Variants in COL5A2 observed in about 807,000 individuals in gnomAD.
COL5A2 encodes the protein collagen type V alpha 2 chain, also known as collagen alpha-2(V) chain.
A neutral mutation model predicts 208.2 loss-of-function variants in COL5A2; 23 were observed. The ratio of observed to expected loss-of-function variants is 0.11; its 90% confidence interval spans 0.08 to 0.16. The LOEUF is 0.16. COL5A2 is among the 10% of genes least tolerant of loss of function. The pLI, the probability that COL5A2 is intolerant of heterozygous loss-of-function variation, is 1.00. For missense variants in COL5A2, 1,590 were observed against 1,956.4 expected (o/e 0.81, Z 3.53); for synonymous variants, 625 against 628.5 (o/e 0.99, Z 0.08).
rs1688720202 is a variant in COL5A2, at chr2:189,178,484, A to G, written c.97+1024T>C. 2.0e-5 allele frequency among the ~76,000 whole-genome samples: 3 copies of G among 152,076 alleles called. No individual in the cohort carries two copies. The South Asian group carries it at 6.2e-4, about 31-fold the overall frequency. On this transcript the variant is annotated intron_variant, in intron 1 of 53. Transcript: ENST00000374866. Reference sequence around the variant, plus strand: ...TTTAAAAGCTTGAGTTTGATGTTACATGGTTGAGTTGATGAAAATCTACAG... The same window carrying G: ...TTTAAAAGCTTGAGTTTGATGTTACGTGGTTGAGTTGATGAAAATCTACAG...
chr2:189,167,537 C>G (rs1688489838), intron 1 of COL5A2, among the ~76,000 whole-genome samples: 1 of 151,856 alleles, frequency 6.6e-6, no homozygotes, highest in African/African-American at 2.4e-5. Flanking sequence ...TGTGTCTAAG[C>G]AAAATTCAGT....
chr2:189,132,553 A>G (rs1687735976), intron 1 of COL5A2, among the ~76,000 whole-genome samples: 1 of 152,256 alleles, frequency 6.6e-6, no homozygotes, highest in African/African-American at 2.4e-5. Flanking sequence ...AATTCAAATA[A>G]CCAAATCACA....
intron 1 of COL5A2, among the ~76,000 whole-genome samples, chr2:189,214,145 A>G (rs1304588292): frequency 6.6e-6 from 1 of 152,158 alleles, no homozygotes; most frequent in Non-Finnish European, 1.5e-5. Context: ...AAAAAACCTT[A>G]AAAATATAGA....
chr2:189,274,376 A>G, the COL5A2 span, among the ~76,000 whole-genome samples: 1 of 152,146 alleles, frequency 6.6e-6, no homozygotes, highest in Non-Finnish European at 1.5e-5. Flanking sequence ...ACATCACACA[A>G]CACATAGCAT....
intron 1 of COL5A2, among the ~76,000 whole-genome samples, chr2:189,197,054 G>A (rs918626021): frequency 6.6e-6 from 1 of 152,114 alleles, no homozygotes; most frequent in Non-Finnish European, 1.5e-5. Context: ...CAACGCAAAT[G>A]CCCATCACTG....
intron 1 of COL5A2, among the ~76,000 whole-genome samples, chr2:189,123,577 G>T (rs1032674718): frequency 1.3e-5 from 2 of 152,120 alleles, no homozygotes; most frequent in African/African-American, 4.8e-5. Context: ...GTGGTACTTT[G>T]TTATCAAGCA....
chr2:189,107,873 G>A (rs1687181377), intron 2 of COL5A2, among the ~76,000 whole-genome samples: 1 of 151,614 alleles, frequency 6.6e-6, no homozygotes, highest in Admixed American at 6.6e-5. Flanking sequence ...ACTAAAATGA[G>A]CAATGATAAA....
the COL5A2 span, among the ~76,000 whole-genome samples, chr2:189,406,065 C>T: frequency 9.2e-5 from 14 of 152,168 alleles, no homozygotes; most frequent in South Asian, 8.3e-4. Flanking sequence ...AGCACATTCC[C>T]GAACAGTAAT....
the COL5A2 span, among the ~76,000 whole-genome samples, chr2:189,291,562 A>C: frequency 2.0e-5 from 3 of 152,102 alleles, no homozygotes; most frequent in African/African-American, 7.2e-5. Flanking sequence ...TTTTTTACAT[A>C]AATTTTATCA....
the COL5A2 span, among the ~76,000 whole-genome samples, chr2:189,382,788 G>C: frequency 6.6e-6 from 1 of 152,172 alleles, no homozygotes; most frequent in Non-Finnish European, 1.5e-5. Flanking sequence ...GGTAGGGGAT[G>C]GATGTTACAA....
intron 1 of COL5A2, among the ~76,000 whole-genome samples, chr2:189,192,289 A>C (rs531602126): frequency 3.2e-4 from 49 of 152,328 alleles, no homozygotes; most frequent in African/African-American, 1.1e-3. Context: ...AAAAAAAAGG[A>C]AACAAAAACT....
chr2:189,219,623 A>AATTATAG (rs1196320045), intron 1 of COL5A2, among the ~76,000 whole-genome samples: 1 of 152,200 alleles, frequency 6.6e-6, no homozygotes, highest in African/African-American at 2.4e-5. Flanking sequence ...GGTAAGATAG[A>AATTATAG]ATTATAGATC....
At chr2:189,297,722 T>A in the COL5A2 span, among the ~76,000 whole-genome samples, 1 of 152,160 alleles carries the variant, frequency 6.6e-6, no homozygotes, top group African/African-American at 2.4e-5. Context: ...TTCTTACTTT[T>A]TCCAGAAGCT....
At chr2:189,087,332 A>G (rs1686684140) in intron 8 of COL5A2, among the ~76,000 whole-genome samples, 1 of 152,208 alleles carries the variant, frequency 6.6e-6, no homozygotes, top group South Asian at 2.1e-4. Flanking sequence ...TTTAAACATG[A>G]AATCGTTCCA....
chr2:189,265,505 A>C, the COL5A2 span, among the ~76,000 whole-genome samples: 1 of 152,294 alleles, frequency 6.6e-6, no homozygotes, highest in East Asian at 1.9e-4. Context: ...TAAAGACACC[A>C]GTCAGTGGAT....
In COL5A2 at chr2:189,054,144, C is replaced by G. The variant is rs767821578; in HGVS notation, c.2445+15G>C. Reference sequence around the variant, plus strand: ...TCATAATTTTGAGTGTACAAATTAACAACTTGTGACTTACCTTTTCTCCAG... The same window carrying G: ...TCATAATTTTGAGTGTACAAATTAAGAACTTGTGACTTACCTTTTCTCCAG... On this transcript the variant is annotated intron_variant, in intron 36 of 53. Coordinates refer to ENST00000374866, the MANE Select transcript of COL5A2 (RefSeq NM_000393.5). The G allele has an allele frequency of 3.7e-6, 6 of 1,611,374 alleles. No individual in the cohort carries two copies. In the South Asian group the frequency reaches 5.5e-5, roughly 15 times the overall value.
chr2:189,290,790 A>G, the COL5A2 span, among the ~76,000 whole-genome samples: 1 of 151,484 alleles, frequency 6.6e-6, no homozygotes, highest in Non-Finnish European at 1.5e-5. Context: ...CCTCAAATAC[A>G]TTTTAGAAGG....
At chr2:189,072,163 G>T in intron 17 of COL5A2, 70 bp from the exon 18 acceptor site, 1 of 1,099,108 alleles carries the variant, frequency 9.1e-7, no homozygotes, top group Non-Finnish European at 1.4e-6. Context: ...ATTTTTTAGA[G>T]TTTGGCGTCA....
chr2:189,328,424 G>C, the COL5A2 span, among the ~76,000 whole-genome samples: 6 of 152,270 alleles, frequency 3.9e-5, no homozygotes, highest in South Asian at 1.2e-3. Flanking sequence ...GTCCCAGCAG[G>C]CAGCACCTTC....
Sources: allele counts gnomAD v4.1 joint callset (sites outside exome capture counted in the v4.1 genomes callset), GRCh38; gene constraint gnomAD v4.1.1; transcripts MANE v1.5; gene names NCBI Gene and HGNC (gene_info 2026-07-23, HGNC 2026-07-21).